CRYL1: variants seen among roughly 807,000 people sequenced by gnomAD.
The protein encoded by CRYL1 is crystallin lambda 1.
A neutral mutation model predicts 36.6 loss-of-function variants in CRYL1; 29 were observed. The ratio of observed to expected loss-of-function variants is 0.79; its 90% CI spans 0.59 to 1.08. CRYL1 has a LOEUF of 1.08. Ranked by LOEUF, CRYL1 falls within the 50% of genes least tolerant of loss-of-function variation. The pLI is 0.00. For synonymous variants in CRYL1, 152 were observed against 151.5 expected, an observed-to-expected ratio of 1.00 and a Z score of -0.02; for missense variants, 411 against 407.9, an observed-to-expected ratio of 1.01 and a Z score of -0.06.
chr13:20,518,749 C>T (rs7323009), intron 1 of CRYL1, among the ~76,000 whole-genome samples: 2 of 152,052 alleles, frequency 1.3e-5, no homozygotes, highest in Non-Finnish European at 2.9e-5. Flanking sequence ...GAGGCGGGAC[C>T]AGGACGGAGG....
At chr13:20,486,580 G>A (rs954010318) in intron 3 of CRYL1, among the ~76,000 whole-genome samples, 4 of 151,892 alleles carry the variant, frequency 2.6e-5, no homozygotes, top group Non-Finnish European at 4.4e-5. Flanking sequence ...TCTGGTACTG[G>A]AGGTACAACA....
intron 3 of CRYL1, among the ~76,000 whole-genome samples, chr13:20,487,639 A>G (rs1482506398): frequency 6.6e-6 from 1 of 152,118 alleles, no homozygotes; most frequent in Non-Finnish European, 1.5e-5. Context: ...CACGGCTGGG[A>G]ACAGTGGTTT....
At chr13:20,407,245 C>T (rs1197964948) in intron 6 of CRYL1, among the ~76,000 whole-genome samples, 4 of 151,766 alleles carry the variant, frequency 2.6e-5, no homozygotes, top group Admixed American at 6.6e-5. Flanking sequence ...AAGAGCCTCA[C>T]TGTCTGTGAT....
At chr13:20,505,652 G>C (rs1565986898) in intron 2 of CRYL1, among the ~76,000 whole-genome samples, 1 of 152,124 alleles carries the variant, frequency 6.6e-6, no homozygotes, top group African/African-American at 2.4e-5. Context: ...TGTGATGTAT[G>C]GTCTGTCCTG....
chr13:20,509,905 G>T (rs1402023532), intron 2 of CRYL1, among the ~76,000 whole-genome samples: 2 of 152,200 alleles, frequency 1.3e-5, no homozygotes, highest in African/African-American at 4.8e-5. Context: ...ACTCCAGCCT[G>T]AGCTACAGAG....
chr13:20,408,894 G>A (rs1291041818), intron 6 of CRYL1, among the ~76,000 whole-genome samples: 1 of 152,168 alleles, frequency 6.6e-6, no homozygotes, highest in African/African-American at 2.4e-5. Flanking sequence ...TGGGTAGGAA[G>A]AATCAATATC....
intron 3 of CRYL1, among the ~76,000 whole-genome samples, chr13:20,455,496 C>T (rs9315590): frequency 0.013 from 820 of 65,576 alleles, 13 homozygotes; most frequent in South Asian, 0.027. Flanking sequence ...TCAAGCTACA[C>T]CATAATCATG....
At chr13:20,487,839 C>T (rs978211219) in intron 3 of CRYL1, among the ~76,000 whole-genome samples, 28 of 152,002 alleles carry the variant, frequency 1.8e-4, no homozygotes, top group African/African-American at 6.0e-4. Context: ...CCGTGGCTCA[C>T]GCCTGTAATC....
chr13:20,508,959 G>A lies in CRYL1; in HGVS notation c.149+3484C>T, dbSNP rs181036657. The stretch of plus-strand genomic sequence containing the variant: ...TAATCCCATATAATCCTAGCACTTC[G>A]GGAGGCTGAGGTGGGTGGATCACCT... On this transcript the variant is annotated intron_variant, in intron 2 of 7. Coordinates refer to ENST00000298248, the MANE Select transcript of CRYL1 (RefSeq NM_015974.3). Among the ~76,000 whole-genome samples, 919 of 150,644 alleles carry A rather than the reference G, an allele frequency of 6.1e-3. 13 individuals carry two copies. The highest frequency in any genetic ancestry group is 0.021 in the African/African-American group (880 of 40,948).
chr13:20,439,858 G>T, intron 3 of CRYL1, 104 bp from the exon 4 acceptor site: 2 of 1,138,916 alleles, frequency 1.8e-6, no homozygotes, highest in Non-Finnish European at 1.3e-6. Flanking sequence ...CTTTGAAAAT[G>T]ATGAGGTTCA....
intron 3 of CRYL1, among the ~76,000 whole-genome samples, chr13:20,456,565 A>G (rs2032690163): frequency 6.6e-6 from 1 of 150,944 alleles, no homozygotes; most frequent in African/African-American, 2.4e-5. Flanking sequence ...GCAGTGAGCT[A>G]TGATCTGTAC....
At chr13:20,434,596 C>G (rs1176516541) in intron 4 of CRYL1, among the ~76,000 whole-genome samples, 2 of 137,284 alleles carry the variant, frequency 1.5e-5, no homozygotes, top group African/African-American at 5.5e-5. Flanking sequence ...CCCACCCACA[C>G]CCACACGCGC....
At chr13:20,485,924 T>TGTTA (rs2033389273) in intron 3 of CRYL1, among the ~76,000 whole-genome samples, 1 of 151,976 alleles carries the variant, frequency 6.6e-6, no homozygotes, top group African/African-American at 2.4e-5. Context: ...TTTGTTTGTT[T>TGTTA]GTTTGTTTTT....
chr13:20,472,126 G>A (rs1199190563), intron 3 of CRYL1, among the ~76,000 whole-genome samples: 2 of 152,030 alleles, frequency 1.3e-5, no homozygotes, highest in African/African-American at 4.8e-5. Flanking sequence ...CTCCCAAAGT[G>A]TTAAGATTAC....
At chr13:20,512,272 C>A (rs2033929081) in intron 2 of CRYL1, among the ~76,000 whole-genome samples, 171 bp downstream of exon 2, 1 of 152,254 alleles carries the variant, frequency 6.6e-6, no homozygotes, top group Non-Finnish European at 1.5e-5. Context: ...AGTGTGAATT[C>A]ACATTCCAGC....
chr13:20,503,861 G>A (rs951781220), intron 2 of CRYL1, among the ~76,000 whole-genome samples: 2 of 152,200 alleles, frequency 1.3e-5, no homozygotes, highest in African/African-American at 2.4e-5. Flanking sequence ...AAATGCCTGC[G>A]TCCAAGCACA....
chr13:20,505,496 A>T (rs1211238524), intron 2 of CRYL1, among the ~76,000 whole-genome samples: 1 of 152,144 alleles, frequency 6.6e-6, no homozygotes, highest in Non-Finnish European at 1.5e-5. Flanking sequence ...GGTTCCTGTG[A>T]CTCAGTCAAA....
Position 20,429,792 on chromosome 13 carries a change from C to T in CRYL1, c.633+2310G>A, listed in dbSNP as rs531669418. 4.6e-5 allele frequency among the ~76,000 whole-genome samples: 7 copies of T among 152,310 alleles called. No individual in the cohort carries two copies. In the South Asian group the frequency reaches 1.2e-3, roughly 27 times the overall value. On this transcript the variant is annotated intron_variant, in intron 5 of 7. Transcript: ENST00000298248. ...CTCCAGTTCCAGCAGGCTCCCCTAGCGCCCTGAACCAAGTCACCTGGCCCC... is the reference window on the plus strand; with the variant it reads ...CTCCAGTTCCAGCAGGCTCCCCTAGTGCCCTGAACCAAGTCACCTGGCCCC...
intron 3 of CRYL1, among the ~76,000 whole-genome samples, chr13:20,452,910 A>C (rs924408130): frequency 6.6e-6 from 1 of 152,184 alleles, no homozygotes; most frequent in African/African-American, 2.4e-5. Flanking sequence ...TTGGGTATTA[A>C]ATACAATTTC....
Sources: gnomAD v4.1 joint callset for allele counts (sites outside exome capture counted in the v4.1 genomes callset) on GRCh38, gnomAD v4.1.1 for gene constraint, MANE v1.5 for transcripts, NCBI Gene and HGNC (gene_info 2026-07-23, HGNC 2026-07-21) for gene names.